The following ADAMTS17 variants were observed in gnomAD, a reference collection of about 807,000 sequenced individuals.
ADAMTS17 encodes A disintegrin and metalloproteinase with thrombospondin motifs 17.
A neutral mutation model predicts 141.5 loss-of-function variants in ADAMTS17; 113 were observed. The ratio of observed to expected loss-of-function variants is 0.80; its 90% CI spans 0.69 to 0.93. The LOEUF (loss-of-function observed/expected upper bound fraction) is 0.93, where lower values mean the gene tolerates loss of function less well. ADAMTS17 is among the 40% of genes least tolerant of loss of function. ADAMTS17 has a pLI of 0.00. For missense variants in ADAMTS17, 1,659 were observed against 1,517.9 expected (o/e 1.09, Z -1.54); for synonymous variants, 768 against 630.6 (o/e 1.22, Z -3.27).
intron 10 of ADAMTS17, among the ~76,000 whole-genome samples, chr15:100,149,838 A>C (rs2039080375): frequency 6.6e-6 from 1 of 152,172 alleles, no homozygotes; most frequent in Non-Finnish European, 1.5e-5. Context: ...GGCACTGAGG[A>C]ATAAGCATTT....
intron 4 of ADAMTS17, among the ~76,000 whole-genome samples, chr15:100,278,700 G>A (rs72633242): frequency 0.059 from 8,943 of 152,284 alleles, 521 homozygotes; most frequent in East Asian, 0.23. Context: ...AGTCTTCAAC[G>A]AAATGGAAGA....
intron 8 of ADAMTS17, among the ~76,000 whole-genome samples, chr15:100,161,252 G>T (rs558374473): frequency 6.6e-6 from 1 of 152,214 alleles, no homozygotes; most frequent in Non-Finnish European, 1.5e-5. Context: ...TCCGAATCTC[G>T]CAGGACATGA....
At chr15:100,323,920 A>G (rs1321018620) in intron 3 of ADAMTS17, among the ~76,000 whole-genome samples, 1 of 151,738 alleles carries the variant, frequency 6.6e-6, no homozygotes, top group African/African-American at 2.4e-5. Flanking sequence ...GGGGTCCCCT[A>G]TGTCAGGTCA....
intron 8 of ADAMTS17, among the ~76,000 whole-genome samples, chr15:100,166,769 A>T (rs1308096226): frequency 1.3e-5 from 2 of 152,228 alleles, no homozygotes; most frequent in Non-Finnish European, 2.9e-5. Flanking sequence ...TAACTTCATG[A>T]TTCTTGATCT....
intron 18 of ADAMTS17, among the ~76,000 whole-genome samples, chr15:100,032,264 G>T (rs1448292490): frequency 6.6e-6 from 1 of 152,130 alleles, no homozygotes; most frequent in Non-Finnish European, 1.5e-5. Flanking sequence ...GGTAGAAAGT[G>T]TGCTTGTCTC....
Position 100,336,501 on chromosome 15 carries a change from A to T in ADAMTS17, c.450+4538T>A, listed in dbSNP as rs191290385. Among the ~76,000 whole-genome samples, 438 of 152,240 alleles carry T rather than the reference A, an allele frequency of 2.9e-3. 3 individuals are homozygous for T. Among genetic ancestry groups the T allele is most frequent in the Non-Finnish European group, 3.4e-3 (229 of 68,024 alleles). On this transcript the variant is annotated intron_variant, in intron 2 of 21. Transcript: ENST00000268070. ...AACATCCACTCAATTGTTTCTTTTT[A>T]CAAAGTTCTATATATGTGCTTTGTA...
At chr15:100,250,700 T>C (rs28521250) in intron 7 of ADAMTS17, among the ~76,000 whole-genome samples, 4,837 of 151,972 alleles carry the variant, frequency 0.032, 263 homozygotes, top group African/African-American at 0.11. Context: ...AACAAATGAG[T>C]GCATGCAGAA....
At chr15:100,201,772 C>G (rs925845003) in intron 7 of ADAMTS17, among the ~76,000 whole-genome samples, 1 of 151,994 alleles carries the variant, frequency 6.6e-6, no homozygotes, top group Non-Finnish European at 1.5e-5. Context: ...AAAAACAACA[C>G]GACAACCAGA....
intron 8 of ADAMTS17, among the ~76,000 whole-genome samples, chr15:100,188,686 T>A (rs1254398689): frequency 6.6e-6 from 1 of 152,180 alleles, no homozygotes; most frequent in East Asian, 1.9e-4. Flanking sequence ...ACAGGTAGGA[T>A]CAGTGGTGGC....
intron 2 of ADAMTS17, among the ~76,000 whole-genome samples, chr15:100,334,021 T>G (rs1242309794): frequency 6.6e-6 from 1 of 152,224 alleles, no homozygotes; most frequent in Non-Finnish European, 1.5e-5. Context: ...TCAAATAAAA[T>G]GGATCAGGCA....
chr15:100,027,354 T>C (rs1282909317), intron 18 of ADAMTS17, among the ~76,000 whole-genome samples: 1 of 152,246 alleles, frequency 6.6e-6, no homozygotes, highest in African/African-American at 2.4e-5. Flanking sequence ...TTTTCATTCC[T>C]GTATCTAACT....
chr15:100,214,135 A>C (rs2041895312), intron 7 of ADAMTS17, among the ~76,000 whole-genome samples: 1 of 152,122 alleles, frequency 6.6e-6, no homozygotes, highest in Non-Finnish European at 1.5e-5. Context: ...GGAACCCCGG[A>C]GTAGCTCCCA....
At chr15:100,166,944 G>GC (rs2039972875) in intron 8 of ADAMTS17, among the ~76,000 whole-genome samples, 1 of 152,234 alleles carries the variant, frequency 6.6e-6, no homozygotes, top group Non-Finnish European at 1.5e-5. Flanking sequence ...AGAGAAATCA[G>GC]CAGGCTATTG....
chr15:100,304,591 G>A (rs2045157645), intron 3 of ADAMTS17, among the ~76,000 whole-genome samples: 1 of 152,148 alleles, frequency 6.6e-6, no homozygotes, highest in African/African-American at 2.4e-5. Flanking sequence ...TCCATTCTCT[G>A]TAATCCATTC....
In ADAMTS17 at chr15:100,138,870, C is replaced by T. The variant is rs11854574; in HGVS notation, c.1474-5555G>A. ...GACCCCCTCCTCTTAAACACGGGCT[C>T]AAACTACTAACTTGCCTTTTAAAAA... On this transcript the variant is annotated intron_variant, in intron 10 of 21. Transcript: ENST00000268070. Among the ~76,000 whole-genome samples, 1,080 of 152,272 alleles carry T rather than the reference C, an allele frequency of 7.1e-3. 14 individuals are homozygous for T. Among genetic ancestry groups the T allele is most frequent in the African/African-American group, 0.025 (1,028 of 41,544 alleles).
chr15:100,125,182 C>T (rs1293492831), intron 12 of ADAMTS17, among the ~76,000 whole-genome samples: 1 of 152,188 alleles, frequency 6.6e-6, no homozygotes, highest in Non-Finnish European at 1.5e-5. Context: ...CAGGGCAAAG[C>T]CATAGGGTTT....
chr15:100,311,304 C>T (rs1298715938), intron 3 of ADAMTS17, among the ~76,000 whole-genome samples: 1 of 152,208 alleles, frequency 6.6e-6, no homozygotes, highest in East Asian at 1.9e-4. Flanking sequence ...CCACCGCCCC[C>T]TGCAACACCA....
intron 8 of ADAMTS17, among the ~76,000 whole-genome samples, chr15:100,163,084 A>G (rs1327027316): frequency 6.6e-6 from 1 of 150,596 alleles, no homozygotes; most frequent in Non-Finnish European, 1.5e-5. Flanking sequence ...ATATAACTAT[A>G]TAGTTCTATA....
At chr15:100,258,160 A>G (rs114177199) in intron 6 of ADAMTS17, among the ~76,000 whole-genome samples, 1,606 of 152,346 alleles carry the variant, frequency 0.011, 31 homozygotes, top group African/African-American at 0.036. Context: ...GGCTGTCATG[A>G]ATAATGTTGC....
Sources: allele counts gnomAD v4.1 joint callset (sites outside exome capture counted in the v4.1 genomes callset), GRCh38; gene constraint gnomAD v4.1.1; transcripts MANE v1.5; gene names NCBI Gene and HGNC (gene_info 2026-07-23, HGNC 2026-07-21).